The following PIK3C2G variants were observed in gnomAD, a reference collection of about 807,000 sequenced individuals.
The protein encoded by PIK3C2G is phosphatidylinositol-4-phosphate 3-kinase catalytic subunit type 2 gamma.
In PIK3C2G, 168 loss-of-function variants were observed where a neutral mutation model predicts 181.1. That is an observed-to-expected ratio of 0.93 (90% CI 0.82 to 1.05). PIK3C2G has a LOEUF of 1.05. Among genes scored for constraint, PIK3C2G ranks in the 50% least tolerant of loss-of-function variants. PIK3C2G has a pLI of 0.00. For synonymous variants in PIK3C2G, 573 were observed against 592.2 expected, an observed-to-expected ratio of 0.97 and a Z score of 0.47; for missense variants, 1,869 against 1,732.8, an observed-to-expected ratio of 1.08 and a Z score of -1.40.
At chr12:18,429,928 G>A (rs7303380) in intron 18 of PIK3C2G, among the ~76,000 whole-genome samples, 18,604 of 152,064 alleles carry the variant, frequency 0.12, 1,171 homozygotes, top group African/African-American at 0.13. Context: ...CCTGGCCTAC[G>A]AAGTGGGAAA....
At chr12:18,501,024 C>T (rs1457067703) in intron 22 of PIK3C2G, among the ~76,000 whole-genome samples, 3 of 151,794 alleles carry the variant, frequency 2.0e-5, no homozygotes, top group Non-Finnish European at 4.4e-5. Flanking sequence ...AGCGAGACCA[C>T]GAACCCACCA....
intron 24 of PIK3C2G, among the ~76,000 whole-genome samples, chr12:18,530,670 G>T (rs1943503128): frequency 6.6e-6 from 1 of 152,178 alleles, no homozygotes; most frequent in Non-Finnish European, 1.5e-5. Context: ...GACCTGGAGA[G>T]AGGTGATTAG....
At chr12:18,555,690 G>T (rs1052236091) in intron 26 of PIK3C2G, among the ~76,000 whole-genome samples, 3 of 151,948 alleles carry the variant, frequency 2.0e-5, no homozygotes, top group Admixed American at 6.6e-5. Flanking sequence ...TTACCTAAGG[G>T]TTATTTCTAT....
chr12:18,711,809 T>C, the PIK3C2G span, among the ~76,000 whole-genome samples: 1 of 151,790 alleles, frequency 6.6e-6, no homozygotes, highest in Non-Finnish European at 1.5e-5. Context: ...TTGGTGTGAG[T>C]TCAAGAAAGA....
At chr12:18,324,714 C>G (rs532873135) in intron 7 of PIK3C2G, among the ~76,000 whole-genome samples, 7 of 152,258 alleles carry the variant, frequency 4.6e-5, no homozygotes, top group Admixed American at 3.3e-4. Context: ...ATGCCATTAT[C>G]TGCTTATGAA....
At chr12:18,595,910 C>T (rs191824887) in intron 30 of PIK3C2G, among the ~76,000 whole-genome samples, 27 of 152,242 alleles carry the variant, frequency 1.8e-4, no homozygotes, top group African/African-American at 6.3e-4. Flanking sequence ...CTTTGCTATA[C>T]ACGCCTAGAA....
chr12:18,431,936 C>A (rs1198382008), intron 18 of PIK3C2G, among the ~76,000 whole-genome samples: 1 of 152,170 alleles, frequency 6.6e-6, no homozygotes, highest in Non-Finnish European at 1.5e-5. Flanking sequence ...TCTATCCCAA[C>A]CAACCTGAAG....
intron 31 of PIK3C2G, among the ~76,000 whole-genome samples, chr12:18,612,957 GCA>G (rs1316979312): frequency 6.6e-6 from 1 of 152,016 alleles, no homozygotes; most frequent in Non-Finnish European, 1.5e-5. Flanking sequence ...ATTCACTCTA[GCA>G]CACAGAGACT....
rs963699295 is a variant in PIK3C2G, at chr12:18,283,512, C to T, written c.678+753C>T. Among the ~76,000 whole-genome samples, 17 of 152,030 alleles carry T rather than the reference C, an allele frequency of 1.1e-4. 1 individual carries two copies. The highest frequency in any genetic ancestry group is 4.4e-5 in the Non-Finnish European group (3 of 67,992). On this transcript the variant is annotated intron_variant, in intron 2 of 32. Transcript: ENST00000538779. ...TTTATTCAACAACTATTTATCAAATCCTTAAAACATATTGTGATATGCTAT... is the reference window on the plus strand; with the variant it reads ...TTTATTCAACAACTATTTATCAAATTCTTAAAACATATTGTGATATGCTAT...
chr12:18,332,164 A>G (rs186831057), intron 8 of PIK3C2G, among the ~76,000 whole-genome samples: 1 of 152,212 alleles, frequency 6.6e-6, no homozygotes, highest in Non-Finnish European at 1.5e-5. Flanking sequence ...TAGATAAGCT[A>G]TTATTGTCTG....
chr12:18,595,961 C>G (rs1223834097), intron 30 of PIK3C2G, among the ~76,000 whole-genome samples: 1 of 152,038 alleles, frequency 6.6e-6, no homozygotes, highest in Non-Finnish European at 1.5e-5. Context: ...ATAATTCTTG[C>G]TTGTGTGTTT....
chr12:18,673,361 A>G, the PIK3C2G span, among the ~76,000 whole-genome samples: 2 of 152,188 alleles, frequency 1.3e-5, no homozygotes, highest in East Asian at 3.9e-4. Context: ...CTGAGAAAAT[A>G]CTAGAATAGA....
At chr12:18,293,871 T>C (rs2137225234) in intron 4 of PIK3C2G, 30 bp from the exon 5 acceptor site, 1 of 1,091,696 alleles carries the variant, frequency 9.2e-7, no homozygotes, top group East Asian at 2.4e-5. Context: ...TACACTTTTA[T>C]TGACTTTTAT....
chr12:18,426,681 G>T (rs1015011653), intron 18 of PIK3C2G, among the ~76,000 whole-genome samples: 7 of 152,092 alleles, frequency 4.6e-5, no homozygotes, highest in African/African-American at 1.4e-4. Flanking sequence ...AAAACAGCAA[G>T]TCAATATCAT....
chr12:18,329,269 A>G (rs932978825), intron 8 of PIK3C2G, among the ~76,000 whole-genome samples: 1 of 151,980 alleles, frequency 6.6e-6, no homozygotes, highest in Non-Finnish European at 1.5e-5. Flanking sequence ...TATGTACTAA[A>G]TTATATAATA....
chr12:18,698,687 G>A, the PIK3C2G span, among the ~76,000 whole-genome samples: 4 of 152,020 alleles, frequency 2.6e-5, no homozygotes, highest in African/African-American at 7.2e-5. Context: ...TGGAGTACAC[G>A]AGATATTTTG....
the PIK3C2G span, among the ~76,000 whole-genome samples, chr12:18,691,878 A>G: frequency 1.3e-5 from 2 of 152,138 alleles, no homozygotes; most frequent in Admixed American, 6.6e-5. Flanking sequence ...GTTTCCTGCA[A>G]TGGTCAGGAT....
chr12:18,611,027 T>G (rs1256697416), intron 31 of PIK3C2G, among the ~76,000 whole-genome samples: 1 of 152,074 alleles, frequency 6.6e-6, no homozygotes, highest in African/African-American at 2.4e-5. Context: ...TGATCAGAAG[T>G]GATATTAACC....
the PIK3C2G span, among the ~76,000 whole-genome samples, chr12:18,705,809 C>T: frequency 1.1e-4 from 17 of 151,972 alleles, no homozygotes; most frequent in Non-Finnish European, 2.2e-4. Flanking sequence ...GAGATTACAA[C>T]GAGCCGAGGT....
Sources: allele counts gnomAD v4.1 joint callset (sites outside exome capture counted in the v4.1 genomes callset), GRCh38; gene constraint gnomAD v4.1.1; transcripts MANE v1.5; gene names NCBI Gene and HGNC (gene_info 2026-07-23, HGNC 2026-07-21).